Variants in ROBO2 observed in about 807,000 individuals in gnomAD.
ROBO2 encodes roundabout homolog 2.
Under a neutral mutation model 160.8 loss-of-function variants are expected in ROBO2, and 53 were observed. The ratio of observed to expected loss-of-function variants is 0.33; its 90% CI spans 0.26 to 0.41. The LOEUF (loss-of-function observed/expected upper bound fraction) is 0.41. ROBO2 is among the 10% of genes least tolerant of loss of function. The pLI is 1.00. For missense variants in ROBO2, 1,577 were observed against 1,722.4 expected (o/e 0.92, Z 1.49); for synonymous variants, 664 against 611.7 (o/e 1.09, Z -1.26).
intron 2 of ROBO2, among the ~76,000 whole-genome samples, chr3:76,422,436 C>T (rs2076034111): frequency 6.6e-6 from 1 of 152,070 alleles, no homozygotes; most frequent in Admixed American, 6.6e-5. Context: ...TGGGCCTGGG[C>T]CTAATGGAGG....
intron 2 of ROBO2, among the ~76,000 whole-genome samples, chr3:77,296,734 G>C (rs1256351157): frequency 6.6e-6 from 1 of 152,104 alleles, no homozygotes; most frequent in African/African-American, 2.4e-5. Context: ...TCTTAAGAAG[G>C]CTGAAAGGTT....
chr3:76,756,130 G>A (rs1467928803), intron 2 of ROBO2, among the ~76,000 whole-genome samples: 1 of 151,594 alleles, frequency 6.6e-6, no homozygotes, highest in Non-Finnish European at 1.5e-5. Flanking sequence ...GATTTTCATG[G>A]TCTATTGGCC....
At chr3:76,043,674 A>G (rs893645833) in intron 2 of ROBO2, among the ~76,000 whole-genome samples, 1 of 151,152 alleles carries the variant, frequency 6.6e-6, no homozygotes, top group African/African-American at 2.4e-5. Context: ...ACCAAAACAA[A>G]CCAAAACAAA....
rs530507209 is a variant in ROBO2, at chr3:77,469,086, A to G, written c.389-8328A>G. Among the ~76,000 whole-genome samples the G allele has an allele frequency of 3.3e-5, 5 of 152,324 alleles. No individual in the cohort carries two copies. The South Asian group carries it at 1.0e-3, about 32-fold the overall frequency. The stretch of plus-strand genomic sequence containing the variant: ...GTAATAAAGTAGTTTCTTGTGAATG[A>G]CAATCTTTATCAGTTGTTTAGTCAT... On this transcript the variant is annotated intron_variant, in intron 2 of 25. Coordinates refer to ENST00000461745, the Ensembl canonical transcript of ROBO2.
chr3:77,211,086 T>A (rs1197361923), intron 2 of ROBO2, among the ~76,000 whole-genome samples: 1 of 152,190 alleles, frequency 6.6e-6, no homozygotes, highest in South Asian at 2.1e-4. Flanking sequence ...TGTTTTGTAA[T>A]CCTTTGGGTA....
chr3:76,976,280 C>T (rs1236535006), intron 2 of ROBO2, among the ~76,000 whole-genome samples: 1 of 152,136 alleles, frequency 6.6e-6, no homozygotes, highest in East Asian at 1.9e-4. Context: ...TTGTTTTGGA[C>T]ACAATACCCC....
chr3:76,192,792 ATCTG>A (rs554632821), intron 2 of ROBO2, among the ~76,000 whole-genome samples: 148 of 152,144 alleles, frequency 9.7e-4, no homozygotes, highest in African/African-American at 3.3e-3. Context: ...AAATAATACA[ATCTG>A]TCTATTTCAT....
At chr3:77,014,779 A>G (rs563769336) in intron 2 of ROBO2, among the ~76,000 whole-genome samples, 1 of 150,252 alleles carries the variant, frequency 6.7e-6, no homozygotes, top group East Asian at 1.9e-4. Context: ...CATTTGCAAG[A>G]GAGAGAGAGA....
At chr3:77,397,302 G>A (rs1483745739) in intron 2 of ROBO2, among the ~76,000 whole-genome samples, 1 of 152,130 alleles carries the variant, frequency 6.6e-6, no homozygotes, top group Non-Finnish European at 1.5e-5. Flanking sequence ...AACTTTCACA[G>A]TGGAAACTCC....
chr3:76,953,860 G>A (rs1415022744), intron 2 of ROBO2, among the ~76,000 whole-genome samples: 1 of 152,120 alleles, frequency 6.6e-6, no homozygotes, highest in East Asian at 1.9e-4. Flanking sequence ...ACAGGTGCAC[G>A]TGTTACCATT....
chr3:76,037,242 A>G (rs1422915866), intron 2 of ROBO2, among the ~76,000 whole-genome samples: 1 of 150,626 alleles, frequency 6.6e-6, no homozygotes, highest in Non-Finnish European at 1.5e-5. Context: ...TTAAAAATGC[A>G]TGTACATTTT....
At chr3:77,272,877 A>C (rs747674948) in intron 2 of ROBO2, among the ~76,000 whole-genome samples, 14 of 152,128 alleles carry the variant, frequency 9.2e-5, no homozygotes, top group East Asian at 3.8e-4. Context: ...ATCTCTCTCT[A>C]TATATATTTA....
chr3:77,345,366 T>C (rs1280573510), intron 2 of ROBO2, among the ~76,000 whole-genome samples: 2 of 152,112 alleles, frequency 1.3e-5, no homozygotes, highest in Non-Finnish European at 2.9e-5. Flanking sequence ...CCACACATGA[T>C]TGTATTGGTC....
chr3:76,405,123 A>C (rs1260777513), intron 2 of ROBO2, among the ~76,000 whole-genome samples: 1 of 151,470 alleles, frequency 6.6e-6, no homozygotes, highest in Non-Finnish European at 1.5e-5. Context: ...GTTGAGGTTG[A>C]TGTTGAATTG....
intron 2 of ROBO2, among the ~76,000 whole-genome samples, chr3:76,580,154 G>T (rs2085566719): frequency 6.6e-6 from 1 of 152,128 alleles, no homozygotes; most frequent in Admixed American, 6.5e-5. Context: ...TATCATTTCT[G>T]TAGTATTTGA....
chr3:76,627,291 A>G (rs1163648215), intron 2 of ROBO2, among the ~76,000 whole-genome samples: 4 of 152,178 alleles, frequency 2.6e-5, no homozygotes, highest in Non-Finnish European at 5.9e-5. Context: ...TCAGTCATTG[A>G]AGTATGAAAT....
At chr3:77,376,987 A>C (rs1174081471) in intron 2 of ROBO2, among the ~76,000 whole-genome samples, 1 of 152,188 alleles carries the variant, frequency 6.6e-6, no homozygotes, top group Non-Finnish European at 1.5e-5. Flanking sequence ...CATTCTCATT[A>C]AGTAGAAATT....
At chr3:76,814,847 T>C (rs1473973943) in intron 2 of ROBO2, among the ~76,000 whole-genome samples, 1 of 152,028 alleles carries the variant, frequency 6.6e-6, no homozygotes, top group East Asian at 1.9e-4. Context: ...AAGTAACTTG[T>C]AATAAAGGAA....
At chr3:76,927,224 C>T (rs1366805966) in intron 2 of ROBO2, among the ~76,000 whole-genome samples, 1 of 152,100 alleles carries the variant, frequency 6.6e-6, no homozygotes, top group Non-Finnish European at 1.5e-5. Context: ...ACAGAACTAA[C>T]ATCATGAAAT....
Sources: allele counts gnomAD v4.1 joint callset (sites outside exome capture counted in the v4.1 genomes callset), GRCh38; gene constraint gnomAD v4.1.1; transcripts MANE v1.5; gene names NCBI Gene and HGNC (gene_info 2026-07-23, HGNC 2026-07-21).